TENM3: variants seen among roughly 807,000 people sequenced by gnomAD.
TENM3 encodes teneurin transmembrane protein 3.
In TENM3, 63 loss-of-function variants were observed where a neutral mutation model predicts 255.1. That is an observed-to-expected ratio of 0.25 (90% CI 0.20 to 0.30). TENM3 has a LOEUF of 0.30. Ranked by LOEUF, TENM3 falls within the 10% of genes least tolerant of loss-of-function variation. The probability of loss-of-function intolerance (pLI) is 1.00; values close to 1 mark genes in which losing one functional copy is unlikely to be tolerated. For synonymous variants in TENM3, 1,306 were observed against 1,322.3 expected, an observed-to-expected ratio of 0.99 and a Z score of 0.27; for missense variants, 2,929 against 3,461.1, an observed-to-expected ratio of 0.85 and a Z score of 3.86.
chr4:182,743,517 C>G, intron 19 of TENM3, 98 bp downstream of exon 19: 1 of 1,363,584 alleles, frequency 7.3e-7, no homozygotes, highest in Middle Eastern at 1.9e-4. Flanking sequence ...TAGAAAAATA[C>G]CATCCTAAGG....
intron 1 of TENM3, among the ~76,000 whole-genome samples, chr4:182,207,761 A>C (rs1050727771): frequency 1.5e-4 from 23 of 152,354 alleles, no homozygotes; most frequent in African/African-American, 5.5e-4. Flanking sequence ...AGAACTCCTA[A>C]AAATGCCGAT....
chr4:182,359,186 TG>T (rs1305344715), intron 3 of TENM3, among the ~76,000 whole-genome samples: 2 of 152,214 alleles, frequency 1.3e-5, no homozygotes, highest in African/African-American at 2.4e-5. Context: ...TTCTCTTTTT[TG>T]GTTGTGTCTC....
At chr4:181,635,781 TA>T in the TENM3 span, among the ~76,000 whole-genome samples, 1 of 152,112 alleles carries the variant, frequency 6.6e-6, no homozygotes, top group Admixed American at 6.5e-5. Context: ...GCAAGAGCTT[TA>T]AAAAAATTGT....
intron 1 of TENM3, among the ~76,000 whole-genome samples, chr4:182,264,814 T>A (rs1349273806): frequency 1.3e-5 from 2 of 152,234 alleles, no homozygotes; most frequent in Admixed American, 6.5e-5. Context: ...ATTTCTTTTT[T>A]AAAGAGCACT....
the TENM3 span, among the ~76,000 whole-genome samples, chr4:182,112,283 C>T: frequency 6.6e-6 from 1 of 152,166 alleles, no homozygotes; most frequent in Non-Finnish European, 1.5e-5. Context: ...GATGAGCTGC[C>T]GTGTTTTCTC....
chr4:182,381,401 A>T (rs545068918), intron 3 of TENM3, among the ~76,000 whole-genome samples: 7 of 152,334 alleles, frequency 4.6e-5, no homozygotes, highest in African/African-American at 1.7e-4. Flanking sequence ...TGGGATGAAG[A>T]GAAGATCAGT....
the TENM3 span, among the ~76,000 whole-genome samples, chr4:181,636,029 A>G: frequency 6.6e-6 from 1 of 150,742 alleles, no homozygotes; most frequent in Non-Finnish European, 1.5e-5. Context: ...GGAAGGAAAG[A>G]GAGAGAAACT....
chr4:182,352,031 T>C (rs567608829), intron 3 of TENM3, among the ~76,000 whole-genome samples: 14 of 152,228 alleles, frequency 9.2e-5, no homozygotes, highest in South Asian at 2.1e-4. Context: ...AAATAAACAA[T>C]ATCAAGTGCC....
rs1317811001 is a variant in TENM3, at chr4:182,673,176, T to C, written c.1283T>C (p.Ile428Thr). Residue 428 changes from isoleucine (I) to threonine (T), a missense_variant, in exon 7 of 28, where the codon ATT becomes ACT. By Grantham distance (89) the Ile-to-Thr change is moderately conservative (BLOSUM62 -1). Transcript: ENST00000511685. ...ATCTCTCTTCAGAAGGATGCATTGA[T>C]TGGAGTATATGGCCGGAAAGGCTTA... is the stretch of plus-strand genomic sequence containing the variant. ...FNISLQKDAL[I>T]GVYGRKGLPP... 2 of 1,613,836 alleles carry C rather than the reference T, an allele frequency of 1.2e-6. No homozygotes were observed. The highest frequency in any genetic ancestry group is 1.3e-5 in the African/African-American group (1 of 75,042).
chr4:182,717,585 T>C (rs1236502812), intron 13 of TENM3, among the ~76,000 whole-genome samples: 2 of 152,190 alleles, frequency 1.3e-5, no homozygotes, highest in Non-Finnish European at 2.9e-5. Context: ...CAGATCCTTT[T>C]GACAAAGGCA....
the TENM3 span, among the ~76,000 whole-genome samples, chr4:181,462,416 G>A: frequency 1.3e-5 from 2 of 152,128 alleles, no homozygotes; most frequent in Non-Finnish European, 2.9e-5. Context: ...GCTCTTCTGG[G>A]GTTTCACTTG....
At chr4:182,257,561 G>A (rs1360859387) in intron 1 of TENM3, among the ~76,000 whole-genome samples, 3 of 152,096 alleles carry the variant, frequency 2.0e-5, no homozygotes, top group Non-Finnish European at 4.4e-5. Context: ...AGAGGACTTG[G>A]TATATTATGT....
the TENM3 span, among the ~76,000 whole-genome samples, chr4:182,032,986 A>T: frequency 3.4e-5 from 5 of 148,134 alleles, no homozygotes; most frequent in South Asian, 9.1e-4. Flanking sequence ...ATTTTTTCAA[A>T]AAAAAAGTCC....
intron 3 of TENM3, among the ~76,000 whole-genome samples, chr4:182,542,561 A>G (rs1204822767): frequency 6.6e-6 from 1 of 152,086 alleles, no homozygotes; most frequent in African/African-American, 2.4e-5. Flanking sequence ...GTTTCCCTAT[A>G]CTGAGAGCAC....
the TENM3 span, among the ~76,000 whole-genome samples, chr4:182,063,950 G>A: frequency 6.6e-6 from 1 of 152,160 alleles, no homozygotes. Flanking sequence ...GGGATAGAAT[G>A]CAGGAACAGA....
At chr4:181,686,660 A>G in the TENM3 span, among the ~76,000 whole-genome samples, 1 of 152,198 alleles carries the variant, frequency 6.6e-6, no homozygotes, top group African/African-American at 2.4e-5. Context: ...AGAAAGACAA[A>G]AATGATTCTA....
intron 3 of TENM3, among the ~76,000 whole-genome samples, chr4:182,480,253 A>G (rs923682708): frequency 1.6e-4 from 25 of 152,110 alleles, no homozygotes; most frequent in Non-Finnish European, 8.8e-5. Context: ...ACCAATAATA[A>G]TAATTTAACA....
At chr4:182,778,511 G>C (rs902479225) in intron 24 of TENM3, among the ~76,000 whole-genome samples, 1 of 152,168 alleles carries the variant, frequency 6.6e-6, no homozygotes, top group Non-Finnish European at 1.5e-5. Flanking sequence ...AGGGACAAAA[G>C]AGAGTCTTGA....
At chr4:181,505,492 AT>A in the TENM3 span, among the ~76,000 whole-genome samples, 1 of 152,010 alleles carries the variant, frequency 6.6e-6, no homozygotes, top group African/African-American at 2.4e-5. Flanking sequence ...TAAGCTGTTT[AT>A]TTTTTCCATG....
Sources: gnomAD v4.1 joint callset for allele counts (sites outside exome capture counted in the v4.1 genomes callset) on GRCh38, gnomAD v4.1.1 for gene constraint, MANE v1.5 for transcripts, NCBI Gene and HGNC (gene_info 2026-07-23, HGNC 2026-07-21) for gene names.